The following AFF1 variants were observed in gnomAD, a reference collection of about 807,000 sequenced individuals.
The protein encoded by AFF1 is AF4/FMR2 family member 1.
AFF1 carries 48 observed loss-of-function variants against 121.7 expected under a neutral mutation model. That is an observed-to-expected ratio of 0.39 (90% confidence interval 0.31 to 0.50). The LOEUF (loss-of-function observed/expected upper bound fraction) is 0.50, where lower values mean the gene tolerates loss of function less well. Ranked by LOEUF, AFF1 falls within the 20% of genes least tolerant of loss-of-function variation. The pLI, the probability that AFF1 is intolerant of heterozygous loss-of-function variation, is 0.76. For synonymous variants in AFF1, 613 were observed against 563.0 expected, an observed-to-expected ratio of 1.09 and a Z score of -1.26; for missense variants, 1,523 against 1,511.7, an observed-to-expected ratio of 1.01 and a Z score of -0.12.
intron 8 of AFF1, 136 bp downstream of exon 8, chr4:87,095,105 G>A (rs1724695604): frequency 1.2e-6 from 1 of 849,950 alleles, no homozygotes; most frequent in Non-Finnish European, 1.8e-6. Flanking sequence ...GGAAGAAAGG[G>A]CCCACATTAA....
intron 13 of AFF1, 119 bp downstream of exon 13, chr4:87,125,262 T>G (rs756533280): frequency 6.1e-5 from 37 of 603,796 alleles, no homozygotes; most frequent in Middle Eastern, 6.9e-4. Flanking sequence ...TCAAGCTCAT[T>G]TGGACAATGT....
chr4:87,003,627 T>TA (rs1200315606), intron 2 of AFF1, among the ~76,000 whole-genome samples: 2 of 152,244 alleles, frequency 1.3e-5, no homozygotes, highest in Non-Finnish European at 2.9e-5. Flanking sequence ...TTATCAATGT[T>TA]ACATTTCTAG....
intron 2 of AFF1, among the ~76,000 whole-genome samples, chr4:86,991,340 G>T (rs1336723471): frequency 6.6e-6 from 1 of 152,000 alleles, no homozygotes; most frequent in Non-Finnish European, 1.5e-5. Context: ...AGCTACTCGG[G>T]AGGCTGAGGC....
chr4:86,944,359 A>AT (rs1400266601), intron 1 of AFF1, among the ~76,000 whole-genome samples: 1 of 114,978 alleles, frequency 8.7e-6, no homozygotes, highest in East Asian at 2.5e-4. Flanking sequence ...CTTAAGAAGA[A>AT]TAATTTTCTG....
chr4:87,014,133 A>C (rs1386347347), intron 2 of AFF1, among the ~76,000 whole-genome samples: 1 of 152,204 alleles, frequency 6.6e-6, no homozygotes, highest in Non-Finnish European at 1.5e-5. Context: ...TGTTAAAAAA[A>C]AAATTAAAAG....
chr4:87,059,311 G>A (rs1182230229), intron 4 of AFF1, among the ~76,000 whole-genome samples: 2 of 152,150 alleles, frequency 1.3e-5, no homozygotes, highest in Non-Finnish European at 2.9e-5. Context: ...CCCTCTCCCT[G>A]TATCACTTCA....
chr4:87,123,942 G>T (rs953078081), intron 12 of AFF1, among the ~76,000 whole-genome samples: 1 of 152,124 alleles, frequency 6.6e-6, no homozygotes, highest in Non-Finnish European at 1.5e-5. Flanking sequence ...AGGAAGTTTC[G>T]TTCTAAATGC....
At chr4:87,031,315 T>C (rs1280888962) in intron 2 of AFF1, among the ~76,000 whole-genome samples, 3 of 152,222 alleles carry the variant, frequency 2.0e-5, no homozygotes, top group African/African-American at 7.2e-5. Context: ...TCATTCAAGA[T>C]TCAGCTCAGA....
intron 2 of AFF1, among the ~76,000 whole-genome samples, chr4:87,044,153 G>A (rs1179919675): frequency 1.3e-5 from 2 of 152,138 alleles, no homozygotes; most frequent in Non-Finnish European, 2.9e-5. Context: ...AGTGAATTCA[G>A]TCAGGCAGCT....
intron 4 of AFF1, among the ~76,000 whole-genome samples, chr4:87,078,769 G>A (rs898708532): frequency 1.9e-4 from 29 of 152,070 alleles, no homozygotes; most frequent in African/African-American, 6.8e-4. Context: ...AAGAAAAATA[G>A]CTTGGACATT....
At chr4:87,104,139 G>T (rs1725686816) in intron 8 of AFF1, among the ~76,000 whole-genome samples, 1 of 152,154 alleles carries the variant, frequency 6.6e-6, no homozygotes, top group Admixed American at 6.5e-5. Context: ...GTGCAGGGTG[G>T]CTCACGCCTG....
intron 2 of AFF1, among the ~76,000 whole-genome samples, chr4:86,975,909 A>G (rs949098477): frequency 2.5e-4 from 38 of 152,256 alleles, no homozygotes; most frequent in African/African-American, 8.4e-4. Flanking sequence ...TCAATTTTAG[A>G]TAAAGAGGAG....
At chr4:87,038,692 TTG>T (rs1729805317) in intron 2 of AFF1, among the ~76,000 whole-genome samples, 1 of 152,238 alleles carries the variant, frequency 6.6e-6, no homozygotes, top group African/African-American at 2.4e-5. Flanking sequence ...GCTCTATCCT[TTG>T]TACATTCAAA....
chr4:87,072,625 A>G (rs941565661), intron 4 of AFF1, among the ~76,000 whole-genome samples: 1 of 150,548 alleles, frequency 6.6e-6, no homozygotes, highest in African/African-American at 2.5e-5. Flanking sequence ...AGGTTCAGCA[A>G]TTCTCCTGCT....
At chr4:87,124,815 A>T (rs2149788990) in intron 12 of AFF1, among the ~76,000 whole-genome samples, 1 of 152,128 alleles carries the variant, frequency 6.6e-6, no homozygotes, top group East Asian at 1.9e-4. Context: ...CGTGCAAAAA[A>T]ATCTGTCTCA....
chr4:87,110,923 C>T (rs2149757884), intron 11 of AFF1, among the ~76,000 whole-genome samples: 2 of 152,166 alleles, frequency 1.3e-5, no homozygotes, highest in South Asian at 4.1e-4. Flanking sequence ...AACTTTGATC[C>T]TCTAAACAAA....
chr4:87,095,888 CTG>C (rs2149725315), intron 8 of AFF1, among the ~76,000 whole-genome samples: 1 of 152,192 alleles, frequency 6.6e-6, no homozygotes, highest in South Asian at 2.1e-4. Flanking sequence ...GTCACTAACT[CTG>C]TGTTGCTAGT....
chr4:87,022,694 C>A (rs367608132), intron 2 of AFF1, among the ~76,000 whole-genome samples: 36 of 36,918 alleles, frequency 9.8e-4, no homozygotes, highest in Middle Eastern at 0.022. Context: ...GTATGTATAT[C>A]TGTGTGTATA....
At chr4:87,027,291 G>A (rs919667017) in intron 2 of AFF1, among the ~76,000 whole-genome samples, 1 of 152,220 alleles carries the variant, frequency 6.6e-6, no homozygotes, top group Non-Finnish European at 1.5e-5. Context: ...ATTTGAAGGT[G>A]TTAGGTAAGT....
Sources: allele counts gnomAD v4.1 joint callset (sites outside exome capture counted in the v4.1 genomes callset), GRCh38; gene constraint gnomAD v4.1.1; transcripts MANE v1.5; gene names NCBI Gene and HGNC (gene_info 2026-07-23, HGNC 2026-07-21).